PRCP: variants seen among roughly 807,000 people sequenced by gnomAD.
PRCP encodes the protein lysosomal Pro-X carboxypeptidase.
In PRCP, 46 loss-of-function variants were observed where a neutral mutation model predicts 54.2. The ratio of observed to expected loss-of-function variants is 0.85; its 90% CI spans 0.67 to 1.09. The LOEUF (loss-of-function observed/expected upper bound fraction) is 1.09. Ranked by LOEUF, PRCP falls within the 50% of genes least tolerant of loss-of-function variation. The pLI is 0.00. For synonymous variants in PRCP, 240 were observed against 212.2 expected (o/e 1.13, Z -1.14); for missense variants, 613 against 596.8 (o/e 1.03, Z -0.28).
intron 1 of PRCP, among the ~76,000 whole-genome samples, chr11:82,873,170 G>T (rs1017216150): frequency 6.6e-6 from 1 of 151,828 alleles, no homozygotes; most frequent in Non-Finnish European, 1.5e-5. Flanking sequence ...TTCAAGCCAA[G>T]GTATGTCTCT....
At chr11:82,887,203 C>A (rs552755988) in intron 1 of PRCP, among the ~76,000 whole-genome samples, 1 of 152,324 alleles carries the variant, frequency 6.6e-6, no homozygotes, top group African/African-American at 2.4e-5. Flanking sequence ...CTATAGGATT[C>A]CCTAATACTC....
At chr11:82,834,202 G>A (rs12290145) in intron 8 of PRCP, among the ~76,000 whole-genome samples, 1,570 of 152,290 alleles carry the variant, frequency 0.01, 27 homozygotes, top group African/African-American at 0.034. Flanking sequence ...CTCCGTAACT[G>A]TGAGCGATAC....
At chr11:82,879,666 T>C (rs1351315287) in intron 1 of PRCP, among the ~76,000 whole-genome samples, 1 of 152,174 alleles carries the variant, frequency 6.6e-6, no homozygotes, top group Admixed American at 6.5e-5. Context: ...ATCTTTGTGG[T>C]TTTATCTACC....
chr11:82,850,113 A>AT (rs1167630519), intron 4 of PRCP, 42 bp from the exon 5 acceptor site: 49 of 923,252 alleles, frequency 5.3e-5, no homozygotes, highest in South Asian at 2.5e-4. Context: ...AGAAAAGAAA[A>AT]AATATATATA....
intron 1 of PRCP, among the ~76,000 whole-genome samples, chr11:82,863,833 C>T (rs1299418450): frequency 6.6e-6 from 1 of 152,162 alleles, no homozygotes; most frequent in Non-Finnish European, 1.5e-5. Flanking sequence ...CTGCTCCCAG[C>T]AATCAGCCTT....
chr11:82,847,775 G>A (rs1453125432), intron 6 of PRCP, among the ~76,000 whole-genome samples: 5 of 151,938 alleles, frequency 3.3e-5, no homozygotes, highest in Non-Finnish European at 7.4e-5. Flanking sequence ...TTGATTTTTA[G>A]TAGAGATGAG....
intron 1 of PRCP, among the ~76,000 whole-genome samples, chr11:82,873,399 C>T (rs1344269462): frequency 1.3e-5 from 2 of 152,292 alleles, no homozygotes; most frequent in African/African-American, 2.4e-5. Context: ...ATTTTAAACA[C>T]GAAATGCCCC....
intron 1 of PRCP, among the ~76,000 whole-genome samples, chr11:82,877,446 C>T (rs1859634415): frequency 6.6e-6 from 1 of 152,132 alleles, no homozygotes; most frequent in Non-Finnish European, 1.5e-5. Context: ...AGGCCTGGAG[C>T]CCCAGGAGGA....
chr11:82,894,959 G>A (rs765610267), intron 1 of PRCP, among the ~76,000 whole-genome samples: 9 of 152,106 alleles, frequency 5.9e-5, no homozygotes, highest in Non-Finnish European at 1.3e-4. Context: ...AATCTTGTGT[G>A]AAAAGAATGA....
chr11:82,845,917 T>G (rs1858797549), intron 6 of PRCP: 1 of 152,188 alleles, frequency 6.6e-6, no homozygotes, highest in Non-Finnish European at 1.5e-5. Context: ...CAGCTTCTGT[T>G]AACAGTAAAC....
intron 7 of PRCP, among the ~76,000 whole-genome samples, chr11:82,838,828 A>G (rs892237534): frequency 6.6e-6 from 1 of 152,210 alleles, no homozygotes; most frequent in Non-Finnish European, 1.5e-5. Context: ...TTATTATCAC[A>G]TTTAACCCTC....
At chr11:82,849,026 A>G in intron 6 of PRCP, 23 bp downstream of exon 6, 1 of 1,598,194 alleles carries the variant, frequency 6.3e-7, no homozygotes, top group Non-Finnish European at 8.5e-7. Context: ...TTAAAAAATG[A>G]TGACAGGACA....
At chr11:82,831,600 C>A (rs1198063490) in intron 8 of PRCP, among the ~76,000 whole-genome samples, 5 of 152,208 alleles carry the variant, frequency 3.3e-5, no homozygotes, top group Non-Finnish European at 7.3e-5. Flanking sequence ...TCCAATCCAA[C>A]AGTTAAAGAT....
chr11:82,856,605 G>A (rs1192198352), intron 2 of PRCP, among the ~76,000 whole-genome samples: 1 of 151,706 alleles, frequency 6.6e-6, no homozygotes, highest in African/African-American at 2.4e-5. Context: ...TAGGTGATGG[G>A]ATCATTCATA....
At position 82,839,248 on chromosome 11, in the gene PRCP, T is replaced by C. The variant is rs754520960; in HGVS notation, c.1086+13A>G. 1.3e-6 allele frequency: 2 copies of C among 1,598,864 alleles called. No homozygotes were observed. Among genetic ancestry groups the C allele is most frequent in the South Asian group, 1.1e-5 (1 of 87,864 alleles). ...AAAAGTAAGTTCCACTTGGGGAAAT[T>C]ATACATATTTACCTGATAGCTCCAA... On this transcript the variant is annotated intron_variant, in intron 7 of 8. Coordinates refer to ENST00000313010, the MANE Select transcript of PRCP (RefSeq NM_005040.4).
At chr11:82,901,365 C>G (rs1343904356), upstream of PRCP, 4 of 215,646 alleles carry the variant, frequency 1.9e-5, no homozygotes, top group South Asian at 5.8e-5. Context: ...TCCCTCCGCC[C>G]GTGGGTAGTG....
intron 1 of PRCP, among the ~76,000 whole-genome samples, chr11:82,863,093 C>T (rs7130900): frequency 0.54 from 81,340 of 151,728 alleles, 22,535 homozygotes; most frequent in African/African-American, 0.68. Flanking sequence ...TGAGAACTTG[C>T]TGAAAATGCA....
At position 82,840,414 on chromosome 11, in the gene PRCP, TA is replaced by T. The variant is rs1234670599; in HGVS notation, c.922-990del. The T allele has an allele frequency of 3.3e-5, 5 of 152,332 alleles. No individual in the cohort carries two copies. The South Asian group carries it at 6.2e-4, about 19-fold the overall frequency. The allele number at this position is 152,332 out of a possible 1,614,324, so 9.4% of individuals were successfully genotyped here. A position where few individuals can be genotyped will look rare whatever the true frequency, so the allele number is the denominator to read the frequency against. ...AATATTGAACTCTTGTTAATGATAATAAAGCTGAAGTATTTAAGAGGAAGAT... is the reference window on the plus strand; with the variant it reads ...AATATTGAACTCTTGTTAATGATAATAAGCTGAAGTATTTAAGAGGAAGAT... On this transcript the variant is annotated intron_variant, in intron 6 of 8. Transcript: ENST00000313010.
chr11:82,833,666 T>A (rs1591036557), intron 8 of PRCP, among the ~76,000 whole-genome samples: 1 of 152,262 alleles, frequency 6.6e-6, no homozygotes, highest in Middle Eastern at 3.4e-3. Context: ...TCAACAAATA[T>A]TTTTTGAGCA....
Sources: gnomAD v4.1 joint callset for allele counts (sites outside exome capture counted in the v4.1 genomes callset) on GRCh38, gnomAD v4.1.1 for gene constraint, MANE v1.5 for transcripts, NCBI Gene and HGNC (gene_info 2026-07-23, HGNC 2026-07-21) for gene names.